SLC12A6: variants seen among roughly 807,000 people sequenced by gnomAD.
SLC12A6 encodes solute carrier family 12 member 6.
Under a neutral mutation model 135.3 loss-of-function variants are expected in SLC12A6, and 66 were observed. The observed-to-expected ratio is 0.49, with a 90% CI of 0.40 to 0.60. SLC12A6 has a LOEUF of 0.60. SLC12A6 is among the 20% of genes least tolerant of loss of function. The probability of loss-of-function intolerance (pLI) is 0.00; values close to 1 mark genes in which losing one functional copy is unlikely to be tolerated. For missense variants in SLC12A6, 1,058 were observed against 1,452.3 expected (o/e 0.73, Z 4.41); for synonymous variants, 513 against 508.8 (o/e 1.01, Z -0.11).
In SLC12A6 at chr15:34,233,450, A is replaced by T. The variant is rs867239207; in HGVS notation, c.*431T>A. ...TATACTTGACCATAAATTCTTTAGT[A>T]AGATGAAGCTGTCTCTAGTTGTTAT... On this transcript the variant is annotated 3_prime_UTR_variant, in exon 26 of 26. Transcript: ENST00000354181. 7.8e-4 allele frequency: 139 copies of T among 178,336 alleles called. No individual in the cohort carries two copies. The highest frequency in any genetic ancestry group is 3.1e-3 in the African/African-American group (131 of 42,428). 11.0% of individuals were successfully genotyped at this position (178,336 alleles called of 1,614,324 possible). A position where few individuals can be genotyped will look rare whatever the true frequency, so the allele number is the denominator to read the frequency against.
At chr15:34,251,988 A>G (rs557602536) in intron 10 of SLC12A6, among the ~76,000 whole-genome samples, 182 bp downstream of exon 10, 12 of 152,280 alleles carry the variant, frequency 7.9e-5, no homozygotes, top group African/African-American at 2.9e-4. Context: ...GGAGTACTGA[A>G]TAAGGACAGC....
chr15:34,234,623 T>C (rs12438953), intron 25 of SLC12A6, among the ~76,000 whole-genome samples: 120,967 of 152,016 alleles, frequency 0.8, 49,775 homozygotes, highest in East Asian at 1. Flanking sequence ...CCACCTGCCT[T>C]AGCCTCCCAA....
At chr15:34,234,324 AG>A (rs1017320273) in intron 25 of SLC12A6, among the ~76,000 whole-genome samples, 4 of 152,184 alleles carry the variant, frequency 2.6e-5, no homozygotes, top group African/African-American at 9.7e-5. Flanking sequence ...TGCTCAAGTC[AG>A]ATTTTTCTGC....
intron 2 of SLC12A6, among the ~76,000 whole-genome samples, chr15:34,323,846 C>T (rs1889283055): frequency 6.6e-6 from 1 of 151,312 alleles, no homozygotes; most frequent in Non-Finnish European, 1.5e-5. Context: ...CCAGCTGAGG[C>T]AGGAGGATTG....
intron 24 of SLC12A6, among the ~76,000 whole-genome samples, chr15:34,235,802 T>G (rs1432974619): frequency 6.6e-6 from 1 of 152,158 alleles, no homozygotes; most frequent in Non-Finnish European, 1.5e-5. Flanking sequence ...TATTTTATAG[T>G]AAGAACACAG....
intron 2 of SLC12A6, among the ~76,000 whole-genome samples, chr15:34,282,137 G>A (rs948763610): frequency 1.3e-5 from 2 of 152,170 alleles, no homozygotes; most frequent in African/African-American, 2.4e-5. Flanking sequence ...CATGTACAGT[G>A]TATAGTCCTT....
chr15:34,286,077 T>TC (rs1013867035), intron 2 of SLC12A6, among the ~76,000 whole-genome samples: 7 of 151,966 alleles, frequency 4.6e-5, no homozygotes, highest in Admixed American at 4.6e-4. Flanking sequence ...TATTGCTTTT[T>TC]TTTTTCTTTT....
At chr15:34,304,998 T>C (rs978509962) in intron 2 of SLC12A6, among the ~76,000 whole-genome samples, 2 of 152,302 alleles carry the variant, frequency 1.3e-5, no homozygotes, top group South Asian at 2.1e-4. Context: ...TTTCCCCTCA[T>C]AGGGGAGAAA....
Position 34,236,057 on chromosome 15 carries a change from G to A in SLC12A6, c.3185C>T (p.Ala1062Val), listed in dbSNP as rs779629182. 2.1e-5 allele frequency: 34 copies of A among 1,613,854 alleles called. No homozygotes were observed. The highest frequency in any genetic ancestry group is 5.0e-5 in the Admixed American group (3 of 59,998). ...GTCCTGGAATCCTTCCATTGACTTC[G>A]CTTTTTGTCCCCGGGATGCCATGTA... ...DKYMASRGQK[A>V]KSMEGFQDLL... is the part of the protein sequence containing the mutation. The change falls in exon 24 of 26, where the codon GCG (alanine) becomes GTG (valine). Residue 1062 changes from alanine to valine, a missense_variant. This residue lies in a region of SLC12A6 where 245 missense variants were observed against 440.8 expected (regional missense o/e 0.56). Coordinates refer to ENST00000354181, the MANE Select transcript of SLC12A6 (RefSeq NM_001365088.1).
chr15:34,287,543 G>C (rs1403792216), intron 2 of SLC12A6, among the ~76,000 whole-genome samples: 3 of 152,124 alleles, frequency 2.0e-5, no homozygotes, highest in Admixed American at 6.5e-5. Context: ...GATCCCTGAG[G>C]AATCACCACA....
At chr15:34,318,805 A>G (rs1357511180) in intron 2 of SLC12A6, 1 of 1,552,296 alleles carries the variant, frequency 6.4e-7, no homozygotes, top group Non-Finnish European at 8.7e-7. Context: ...AGTGGCTGGG[A>G]TTCGGGAAGT....
intron 20 of SLC12A6, 135 bp from the exon 21 acceptor site, chr15:34,238,536 A>G: frequency 1.4e-6 from 1 of 720,784 alleles, no homozygotes; most frequent in Non-Finnish European, 2.4e-6. Context: ...GTTATTTCTC[A>G]TTACGTATCA....
intron 2 of SLC12A6, among the ~76,000 whole-genome samples, chr15:34,286,729 G>A (rs996097603): frequency 6.6e-6 from 1 of 152,088 alleles, no homozygotes; most frequent in African/African-American, 2.4e-5. Context: ...CTGGCAGGCG[G>A]AGGTTGCAGT....
At chr15:34,303,837 T>C (rs558577757) in intron 2 of SLC12A6, among the ~76,000 whole-genome samples, 8 of 152,330 alleles carry the variant, frequency 5.3e-5, no homozygotes, top group Admixed American at 2.0e-4. Flanking sequence ...TCTTGGACTT[T>C]CCAGCCTCCA....
intron 2 of SLC12A6, among the ~76,000 whole-genome samples, chr15:34,302,958 A>C (rs1212339015): frequency 1.5e-5 from 1 of 66,084 alleles, no homozygotes; most frequent in Non-Finnish European, 2.6e-5. Context: ...ACCCTGTCTC[A>C]AAAAAAAAAA....
rs527924888 is a variant in SLC12A6, at chr15:34,250,234, T to C, written c.1649+64A>G. On this transcript the variant is annotated intron_variant, in intron 13 of 25. Transcript: ENST00000354181. ...TGAGTCTGTAACTGTCTTGGAGCTA[T>C]GTGGAATGATCAGAAGTCATGGCAG... is the stretch of plus-strand genomic sequence containing the variant. The C allele has an allele frequency of 4.8e-4, 445 of 926,864 alleles. 3 individuals carry two copies. In the South Asian group the frequency reaches 5.6e-3, roughly 12 times the overall value. 57.4% of individuals were successfully genotyped at this position (926,864 alleles called of 1,614,324 possible). A position where few individuals can be genotyped will look rare whatever the true frequency, so the allele number is the denominator to read the frequency against.
chr15:34,249,201 A>C (rs569340839), intron 13 of SLC12A6, among the ~76,000 whole-genome samples: 89 of 152,338 alleles, frequency 5.8e-4, no homozygotes, highest in African/African-American at 2.1e-3. Context: ...AGGTCTGTAC[A>C]AAGTGAGTGA....
intron 4 of SLC12A6, among the ~76,000 whole-genome samples, chr15:34,260,104 G>A (rs1893010514): frequency 6.6e-6 from 1 of 152,156 alleles, no homozygotes; most frequent in Non-Finnish European, 1.5e-5. Context: ...AAAATGATAA[G>A]TATACGAGGT....
At chr15:34,305,776 A>T (rs866162033) in intron 2 of SLC12A6, among the ~76,000 whole-genome samples, 79 of 125,868 alleles carry the variant, frequency 6.3e-4, no homozygotes, top group African/African-American at 2.2e-3. Context: ...TTTTTTTTTT[A>T]AAGATGGAGT....
Sources: gnomAD v4.1 joint callset for allele counts (sites outside exome capture counted in the v4.1 genomes callset) on GRCh38, gnomAD v4.1.1 for gene constraint, gnomAD v4.1.1 regional missense constraint, MANE v1.5 for transcripts, NCBI Gene and HGNC (gene_info 2026-07-23, HGNC 2026-07-21) for gene names.